The following UGT1A7 variants were observed in gnomAD, a reference collection of about 807,000 sequenced individuals.
UGT1A7 encodes UDP-glucuronosyltransferase 1A7.
In UGT1A7, 33 loss-of-function variants were observed where a neutral mutation model predicts 45.6. The ratio of observed to expected loss-of-function variants is 0.72; its 90% CI spans 0.55 to 0.97. The LOEUF (loss-of-function observed/expected upper bound fraction) is 0.97. UGT1A7 is among the 50% of genes least tolerant of loss of function. The pLI is 0.00. For missense variants in UGT1A7, 684 were observed against 666.2 expected (o/e 1.03, Z -0.29); for synonymous variants, 274 against 250.6 (o/e 1.09, Z -0.88).
intron 1 of UGT1A7, among the ~76,000 whole-genome samples, chr2:233,731,469 T>C (rs1244110425): frequency 6.6e-6 from 1 of 152,156 alleles, no homozygotes; most frequent in Non-Finnish European, 1.5e-5. Context: ...TGGCGTGTGA[T>C]GTTCCCTGGC....
chr2:233,755,331 G>T, intron 1 of UGT1A7: 2 of 462,216 alleles, frequency 4.3e-6, no homozygotes, highest in South Asian at 1.9e-5. Context: ...GCCAGCACCC[G>T]CGCACAGGTC....
chr2:233,763,026 C>T (rs1324231755), intron 1 of UGT1A7, among the ~76,000 whole-genome samples: 1 of 152,138 alleles, frequency 6.6e-6, no homozygotes, highest in African/African-American at 2.4e-5. Flanking sequence ...TTATGTTAGC[C>T]ATTGTTTTCT....
chr2:233,744,229 G>C (rs1245532493), intron 1 of UGT1A7, among the ~76,000 whole-genome samples: 2 of 151,826 alleles, frequency 1.3e-5, no homozygotes, highest in Non-Finnish European at 2.9e-5. Flanking sequence ...AAAAGAGAGG[G>C]CCTTGACTTT....
intron 1 of UGT1A7, chr2:233,743,629 T>A (rs570829500): frequency 7.3e-7 from 1 of 1,367,190 alleles, no homozygotes; most frequent in Non-Finnish European, 9.8e-7. Context: ...AGACGTCGGC[T>A]GGGTCGCGGA....
chr2:233,743,601 C>T (rs201940151), intron 1 of UGT1A7: 28 of 1,367,176 alleles, frequency 2.0e-5, no homozygotes, highest in African/African-American at 4.5e-5. Context: ...GGGTCCTGGC[C>T]GCCGAAGAAC....
At chr2:233,747,290 C>A (rs1693611361) in intron 1 of UGT1A7, 1 of 1,601,096 alleles carries the variant, frequency 6.2e-7, no homozygotes, top group Admixed American at 1.7e-5. Context: ...CAGCCCTGGG[C>A]TGAGAGTGGG....
rs142877456 is a variant in UGT1A7, at chr2:233,729,472, A to G, written c.856-37562A>G. On this transcript the variant is annotated intron_variant, in intron 1 of 4. Transcript: ENST00000373426. ...GAAGAAATTTTTCAGAAGTATGGCA[A>G]TGTTGAACAATATGTCTTTGGTCTA... 29 of 1,614,082 alleles carry G rather than the reference A, an allele frequency of 1.8e-5. No homozygotes were observed. The highest frequency in any genetic ancestry group is 2.5e-5 in the Non-Finnish European group (29 of 1,180,048).
chr2:233,732,623 T>G (rs1263936305), intron 1 of UGT1A7, among the ~76,000 whole-genome samples: 26 of 152,192 alleles, frequency 1.7e-4, no homozygotes, highest in Admixed American at 1.7e-3. Flanking sequence ...TGTAGATGTG[T>G]GGTGTTATTT....
intron 1 of UGT1A7, among the ~76,000 whole-genome samples, chr2:233,697,919 A>G (rs1671784522): frequency 6.6e-6 from 1 of 152,252 alleles, no homozygotes; most frequent in South Asian, 2.1e-4. Flanking sequence ...TTCTCCTAGA[A>G]GTCTAGGGTA....
At chr2:233,736,628 T>C (rs1418847955) in intron 1 of UGT1A7, among the ~76,000 whole-genome samples, 1 of 152,228 alleles carries the variant, frequency 6.6e-6, no homozygotes, top group Admixed American at 6.5e-5. Context: ...GCTTTTCTGC[T>C]CTAGTTTCCC....
chr2:233,718,871 G>A (rs1468501233), intron 1 of UGT1A7: 3 of 1,613,900 alleles, frequency 1.9e-6, no homozygotes, highest in Non-Finnish European at 2.5e-6. Context: ...CAGGACTGCT[G>A]CTCCTCCTCA....
In UGT1A7 at chr2:233,739,470, C is replaced by T. The variant is rs188701117; in HGVS notation, c.856-27564C>T. On this transcript the variant is annotated intron_variant, in intron 1 of 4. Transcript: ENST00000373426. ...CCACAGGGTTGGAGCTGCCTGAGAC[C>T]GTGGGAGCCCATTTCTGGCATCACC... 1.6e-3 allele frequency among the ~76,000 whole-genome samples: 240 copies of T among 152,268 alleles called. 1 individual carries two copies. The highest frequency in any genetic ancestry group is 4.9e-3 in the African/African-American group (205 of 41,548).
At chr2:233,729,345 C>A (rs200579886) in intron 1 of UGT1A7, 337 of 1,614,208 alleles carry the variant, frequency 2.1e-4, no homozygotes, top group Admixed American at 3.5e-4. Flanking sequence ...AAGAAGAGAA[C>A]TTTTTCACCC....
chr2:233,773,036 G>A lies in UGT1A7; in HGVS notation c.*477G>A. ...TGCCACCTTGTGTGTTTAAAGAAGG[G>A]AAGCTTTGTACCTTTAGAGTGTAGG... On this transcript the variant is annotated 3_prime_UTR_variant, in exon 5 of 5. Coordinates refer to ENST00000373426, the MANE Select transcript of UGT1A7 (RefSeq NM_019077.3). 1 of 196,980 alleles carries A rather than the reference G, an allele frequency of 5.1e-6. No individual in the cohort carries two copies. Among genetic ancestry groups the A allele is most frequent in the South Asian group, 9.8e-5 (1 of 10,240 alleles). The allele number at this position is 196,980 out of a possible 1,614,324, so 12.2% of individuals were successfully genotyped here. A position where few individuals can be genotyped will look rare whatever the true frequency, so the allele number is the denominator to read the frequency against.
At chr2:233,715,755 G>T (rs1575510895) in intron 1 of UGT1A7, among the ~76,000 whole-genome samples, 1 of 152,198 alleles carries the variant, frequency 6.6e-6, no homozygotes, top group Middle Eastern at 3.2e-3. Flanking sequence ...CTGAGTGACA[G>T]AGCGAGGACC....
chr2:233,751,985 A>C (rs1248686220), intron 1 of UGT1A7, among the ~76,000 whole-genome samples: 1 of 152,196 alleles, frequency 6.6e-6, no homozygotes, highest in Non-Finnish European at 1.5e-5. Flanking sequence ...ATGAATCTGC[A>C]TTTATTGAGA....
Position 233,684,228 on chromosome 2 carries a change from G to A in UGT1A7, c.855+1436G>A, listed in dbSNP as rs533677309. ...AACTCATGGGAAAATGCAACCAAGC[G>A]CTTTCTAAAAATCAGGGAGACTACA... On this transcript the variant is annotated intron_variant, in intron 1 of 4. Transcript: ENST00000373426. Among the ~76,000 whole-genome samples, 112 of 152,240 alleles carry A rather than the reference G, an allele frequency of 7.4e-4. 1 individual carries two copies. Among genetic ancestry groups the A allele is most frequent in the African/African-American group, 2.4e-3 (98 of 41,540 alleles).
At chr2:233,748,424 C>G (rs1693941657) in intron 1 of UGT1A7, among the ~76,000 whole-genome samples, 1 of 151,772 alleles carries the variant, frequency 6.6e-6, no homozygotes, top group Non-Finnish European at 1.5e-5. Flanking sequence ...CTTGACCCAT[C>G]TGGATTTTTT....
intron 1 of UGT1A7, chr2:233,713,996 A>C: frequency 6.4e-7 from 1 of 1,559,392 alleles, no homozygotes; most frequent in Non-Finnish European, 8.7e-7. Flanking sequence ...AATAGTCTTC[A>C]GTGAGATAAA....
Sources: allele counts gnomAD v4.1 joint callset (sites outside exome capture counted in the v4.1 genomes callset), GRCh38; gene constraint gnomAD v4.1.1; transcripts MANE v1.5; gene names NCBI Gene and HGNC (gene_info 2026-07-23, HGNC 2026-07-21).